Variants in RYR2 observed in about 807,000 individuals in gnomAD.
RYR2 encodes cardiac muscle ryanodine receptor-calcium release channel.
A neutral mutation model predicts 601.1 loss-of-function variants in RYR2; 227 were observed. That is an observed-to-expected ratio of 0.38 (90% CI 0.34 to 0.42). The LOEUF (loss-of-function observed/expected upper bound fraction) is 0.42. Ranked by LOEUF, RYR2 falls within the 10% of genes least tolerant of loss-of-function variation. The probability of loss-of-function intolerance (pLI) is 1.00; values close to 1 mark genes in which losing one functional copy is unlikely to be tolerated. For missense variants in RYR2, 4,646 were observed against 6,156.5 expected (o/e 0.75, Z 8.21); for synonymous variants, 2,223 against 2,175.1 (o/e 1.02, Z -0.61).
chr1:237,072,263 G>T (rs868566843), intron 1 of RYR2, among the ~76,000 whole-genome samples: 3 of 152,340 alleles, frequency 2.0e-5, no homozygotes, highest in African/African-American at 7.2e-5. Context: ...CTCCAGAGGG[G>T]CCACCGCCGC....
intron 1 of RYR2, among the ~76,000 whole-genome samples, chr1:237,217,980 G>A (rs35738086): frequency 2.5e-4 from 38 of 152,256 alleles, no homozygotes; most frequent in Non-Finnish European, 4.9e-4. Context: ...ATAACTTTGT[G>A]GCTTATAAAA....
At chr1:237,168,554 G>A (rs1431861668) in intron 1 of RYR2, among the ~76,000 whole-genome samples, 1 of 151,936 alleles carries the variant, frequency 6.6e-6, no homozygotes, top group African/African-American at 2.4e-5. Context: ...CCTGCCTTTC[G>A]CCGAGAGGAA....
At chr1:237,365,422 A>G (rs1418598708) in intron 5 of RYR2, among the ~76,000 whole-genome samples, 1 of 152,182 alleles carries the variant, frequency 6.6e-6, no homozygotes, top group Non-Finnish European at 1.5e-5. Flanking sequence ...GGCGTTTTGG[A>G]TGGGATGACA....
At chr1:237,612,457 A>G (rs1677988771) in intron 36 of RYR2, among the ~76,000 whole-genome samples, 1 of 152,204 alleles carries the variant, frequency 6.6e-6, no homozygotes, top group African/African-American at 2.4e-5. Context: ...ATATTTTAAA[A>G]CAAAAGAAAA....
At position 237,614,369 on chromosome 1, in the gene RYR2, C is replaced by T. The variant is rs533362755; in HGVS notation, c.5241C>T (p.Gly1747=). The T allele has an allele frequency of 6.2e-7, 1 of 1,614,008 alleles. No homozygotes were observed. Among genetic ancestry groups the T allele is most frequent in the Non-Finnish European group, 8.5e-7 (1 of 1,179,894 alleles). Residue 1747 remains glycine (G), a synonymous_variant, in exon 37 of 105, where the codon GGC becomes GGT. Coordinates refer to ENST00000366574, the MANE Select transcript of RYR2 (RefSeq NM_001035.3). This position sits in a 1 kb window ranked among gnomAD's most constrained non-coding sequence, Gnocchi z 4.3. The part of the protein sequence containing the change: ...TLFPDENKKH[G]LPGIGLSTSL... ...TCCCTGATGAGAACAAAAAACACGG[C>T]CTTCCAGGGATCGGCCTCAGCACCT...
At chr1:237,667,366 C>T (rs1684419792) in intron 57 of RYR2, among the ~76,000 whole-genome samples, 1 of 152,132 alleles carries the variant, frequency 6.6e-6, no homozygotes, top group African/African-American at 2.4e-5. Flanking sequence ...ACACAGTAAA[C>T]TTGAAAATCA....
chr1:237,666,060 A>C (rs1432791766), intron 56 of RYR2, among the ~76,000 whole-genome samples: 1 of 152,226 alleles, frequency 6.6e-6, no homozygotes, highest in Non-Finnish European at 1.5e-5. Context: ...ATTGCTGAAT[A>C]CTATATGATA....
rs537174239 is a variant in RYR2 at position 237,433,743 on chromosome 1, A to G, written c.1006-7576A>G. On this transcript the variant is annotated intron_variant, in intron 12 of 104. Transcript: ENST00000366574. The stretch of plus-strand genomic sequence containing the variant: ...TTCTGCCACATTTCCCATGAAGAAG[A>G]GTTATACTGTGGAAGGCAAACACTT... Among the ~76,000 whole-genome samples, 33 of 152,292 alleles carry G rather than the reference A, an allele frequency of 2.2e-4. No individual in the cohort carries two copies. The South Asian group carries it at 6.8e-3, about 32-fold the overall frequency.
intron 1 of RYR2, among the ~76,000 whole-genome samples, chr1:237,248,055 C>T (rs562102721): frequency 2.5e-4 from 38 of 152,076 alleles, no homozygotes; most frequent in South Asian, 2.1e-4. Context: ...GGGCAGATCA[C>T]GAGGTCAGAA....
At chr1:237,170,861 G>A (rs915060436) in intron 1 of RYR2, among the ~76,000 whole-genome samples, 6 of 152,040 alleles carry the variant, frequency 3.9e-5, no homozygotes, top group Non-Finnish European at 5.9e-5. Context: ...AGGTGTCGGT[G>A]GAGAAGTAAG....
intron 41 of RYR2, 38 bp from the exon 42 acceptor site, chr1:237,631,389 C>A: frequency 1.5e-6 from 2 of 1,298,300 alleles, no homozygotes; most frequent in Non-Finnish European, 2.2e-6. Flanking sequence ...TTAGATGTTG[C>A]TCTGAGCTTT....
At chr1:237,277,434 T>C (rs966723462) in intron 2 of RYR2, among the ~76,000 whole-genome samples, 7 of 152,058 alleles carry the variant, frequency 4.6e-5, no homozygotes, top group African/African-American at 1.4e-4. Flanking sequence ...CATGGAGAGG[T>C]AAAACTATTT....
chr1:237,115,125 T>C (rs2485557), intron 1 of RYR2, among the ~76,000 whole-genome samples: 1 of 151,994 alleles, frequency 6.6e-6, no homozygotes, highest in African/African-American at 2.4e-5. Flanking sequence ...TGTCGGTACC[T>C]TTGCTGGCTG....
chr1:237,069,003 G>T (rs1313784821), intron 1 of RYR2, among the ~76,000 whole-genome samples: 1 of 152,164 alleles, frequency 6.6e-6, no homozygotes, highest in Non-Finnish European at 1.5e-5. Context: ...TTTCAGAAAA[G>T]AAGTTATAAA....
rs1020949957 is a variant in RYR2, at chr1:237,832,923, T to C, written c.*276T>C. On this transcript the variant is annotated 3_prime_UTR_variant, in exon 105 of 105. Transcript: ENST00000366574. ...ATTCTGGACACTGTCATAACACACATAGATAGATTTTCTTCTGAGACTCCC... is the reference window on the plus strand; with the variant it reads ...ATTCTGGACACTGTCATAACACACACAGATAGATTTTCTTCTGAGACTCCC... The C allele has an allele frequency of 2.0e-5, 5 of 252,050 alleles. No homozygotes were observed. The highest frequency in any genetic ancestry group is 1.3e-3 in the Middle Eastern group (1 of 776). 15.6% of individuals were successfully genotyped at this position (252,050 alleles called of 1,614,324 possible). A position where few individuals can be genotyped will look rare whatever the true frequency, so the allele number is the denominator to read the frequency against.
At chr1:237,741,124 C>T (rs1691569824) in intron 79 of RYR2, among the ~76,000 whole-genome samples, 1 of 152,272 alleles carries the variant, frequency 6.6e-6, no homozygotes, top group East Asian at 1.9e-4. Context: ...GCGTCCCCAC[C>T]TTTATTTCCT....
chr1:237,296,550 A>G (rs945991221), intron 2 of RYR2, among the ~76,000 whole-genome samples: 28 of 152,178 alleles, frequency 1.8e-4, no homozygotes, highest in African/African-American at 6.8e-4. Context: ...AGAAAGGCAG[A>G]CTTATTAAGA....
intron 3 of RYR2, among the ~76,000 whole-genome samples, chr1:237,355,520 T>G (rs1043046203): frequency 6.6e-6 from 1 of 152,174 alleles, no homozygotes; most frequent in Non-Finnish European, 1.5e-5. Flanking sequence ...CTAGAAAGAT[T>G]AGAGTAAGAG....
intron 8 of RYR2, among the ~76,000 whole-genome samples, chr1:237,384,485 TC>T (rs1701814167): frequency 6.6e-6 from 1 of 152,206 alleles, no homozygotes; most frequent in South Asian, 2.1e-4. Flanking sequence ...TTCAACACAT[TC>T]CCCTTATCAC....
Sources: gnomAD v4.1 joint callset for allele counts (sites outside exome capture counted in the v4.1 genomes callset) on GRCh38, gnomAD v4.1.1 for gene constraint, Gnocchi (gnomAD v3.1) non-coding constraint, MANE v1.5 for transcripts, NCBI Gene and HGNC (gene_info 2026-07-23, HGNC 2026-07-21) for gene names.